NELL1: variants seen among roughly 807,000 people sequenced by gnomAD.
The protein encoded by NELL1 is neural EGFL like 1.
In NELL1, 76 loss-of-function variants were observed where a neutral mutation model predicts 107.4. That is an observed-to-expected ratio of 0.71 (90% CI 0.59 to 0.86). The LOEUF is 0.86. Ranked by LOEUF, NELL1 falls within the 40% of genes least tolerant of loss-of-function variation. The pLI, the probability that NELL1 is intolerant of heterozygous loss-of-function variation, is 0.00. For synonymous variants in NELL1, 353 were observed against 341.2 expected (o/e 1.03, Z -0.38); for missense variants, 1,024 against 1,005.5 (o/e 1.02, Z -0.25).
intron 14 of NELL1, among the ~76,000 whole-genome samples, chr11:21,293,894 A>G (rs898121769): frequency 2.6e-5 from 4 of 152,036 alleles, no homozygotes; most frequent in Non-Finnish European, 5.9e-5. Flanking sequence ...AACACATGGA[A>G]ACAGGGAGGG....
chr11:21,066,735 A>G (rs1033374112), intron 12 of NELL1, among the ~76,000 whole-genome samples: 6 of 152,058 alleles, frequency 3.9e-5, no homozygotes, highest in Non-Finnish European at 8.8e-5. Flanking sequence ...AGATCACTTG[A>G]GGTCACGAAT....
chr11:20,699,490 A>T (rs1182720002), intron 2 of NELL1, among the ~76,000 whole-genome samples: 4 of 151,980 alleles, frequency 2.6e-5, no homozygotes, highest in East Asian at 1.9e-4. Flanking sequence ...CCTCCCCAGC[A>T]GCTGGGACTA....
At chr11:21,388,040 G>A (rs912384446) in intron 15 of NELL1, among the ~76,000 whole-genome samples, 3 of 150,938 alleles carry the variant, frequency 2.0e-5, no homozygotes, top group Non-Finnish European at 3.0e-5. Flanking sequence ...CAAGGGGACA[G>A]CTGGAACTTA....
At chr11:21,354,711 A>T (rs1260466927) in intron 14 of NELL1, among the ~76,000 whole-genome samples, 1 of 152,022 alleles carries the variant, frequency 6.6e-6, no homozygotes, top group Non-Finnish European at 1.5e-5. Context: ...TCTCTTGAGA[A>T]CTCTGGTCCA....
At chr11:21,253,727 A>C (rs918242759) in intron 14 of NELL1, among the ~76,000 whole-genome samples, 2 of 152,154 alleles carry the variant, frequency 1.3e-5, no homozygotes, top group Non-Finnish European at 2.9e-5. Context: ...AATTCACTCT[A>C]TAATAGTCAG....
chr11:20,750,287 G>T (rs1856102915), intron 2 of NELL1, among the ~76,000 whole-genome samples: 1 of 151,990 alleles, frequency 6.6e-6, no homozygotes, highest in Non-Finnish European at 1.5e-5. Flanking sequence ...TTTAAAAAAT[G>T]GACTTGTAGG....
chr11:21,506,306 T>A (rs939236323), intron 15 of NELL1, among the ~76,000 whole-genome samples: 1 of 152,182 alleles, frequency 6.6e-6, no homozygotes, highest in African/African-American at 2.4e-5. Context: ...TTCAGCACAA[T>A]AATATCTCAG....
At chr11:21,281,157 G>T (rs780015018) in intron 14 of NELL1, among the ~76,000 whole-genome samples, 1 of 151,690 alleles carries the variant, frequency 6.6e-6, no homozygotes, top group Non-Finnish European at 1.5e-5. Context: ...GAGTCATAAG[G>T]CCCCCTTGCC....
rs2133839629 is a variant in NELL1, at chr11:20,669,627, A to G, written c.-97A>G. On this transcript the variant is annotated 5_prime_UTR_variant, in exon 1 of 20. Coordinates refer to ENST00000357134, the MANE Select transcript of NELL1 (RefSeq NM_006157.5). This position sits in a 1 kb window ranked among gnomAD's most constrained non-coding sequence, Gnocchi z 4.4. ...CCACCTCCCCCGCCGCCCGCTAGCA[A>G]GTTTGGCGGCTCCAAGCCAGGCGCG... The G allele has an allele frequency of 9.5e-7, 1 of 1,048,856 alleles. No individual in the cohort carries two copies. Among genetic ancestry groups the G allele is most frequent in the Admixed American group, 1.9e-5 (1 of 52,268 alleles). 65.0% of individuals were successfully genotyped at this position (1,048,856 alleles called of 1,614,324 possible). A position where few individuals can be genotyped will look rare whatever the true frequency, so the allele number is the denominator to read the frequency against.
At chr11:20,973,699 A>G (rs982236829) in intron 12 of NELL1, among the ~76,000 whole-genome samples, 1 of 152,218 alleles carries the variant, frequency 6.6e-6, no homozygotes, top group Non-Finnish European at 1.5e-5. Context: ...CAGCTTGCAC[A>G]TCTTTATAAG....
intron 15 of NELL1, among the ~76,000 whole-genome samples, chr11:21,393,490 T>C (rs946520662): frequency 6.6e-6 from 1 of 151,780 alleles, no homozygotes; most frequent in African/African-American, 2.4e-5. Flanking sequence ...ATGAGCAATT[T>C]ATTTAGATAA....
chr11:21,397,436 T>G (rs1050704108), intron 15 of NELL1, among the ~76,000 whole-genome samples: 13 of 151,646 alleles, frequency 8.6e-5, no homozygotes, highest in Non-Finnish European at 8.9e-5. Context: ...AATTACTCAG[T>G]CTTTATACTA....
intron 5 of NELL1, among the ~76,000 whole-genome samples, chr11:20,914,271 C>T (rs1427405356): frequency 6.6e-6 from 1 of 152,096 alleles, no homozygotes; most frequent in Non-Finnish European, 1.5e-5. Flanking sequence ...TCATGTATAC[C>T]TTGCTTTATA....
At chr11:20,956,601 A>G (rs1024543930) in intron 11 of NELL1, among the ~76,000 whole-genome samples, 25 of 150,676 alleles carry the variant, frequency 1.7e-4, no homozygotes, top group Non-Finnish European at 3.2e-4. Context: ...AGCTGAGATC[A>G]CGCCACTGCA....
At chr11:20,843,870 G>A (rs908461143) in intron 3 of NELL1, among the ~76,000 whole-genome samples, 2 of 152,006 alleles carry the variant, frequency 1.3e-5, no homozygotes, top group Non-Finnish European at 2.9e-5. Flanking sequence ...TGATAATACT[G>A]ATTGTACCTG....
chr11:20,764,998 A>T (rs1164081462), intron 2 of NELL1, among the ~76,000 whole-genome samples: 1 of 152,086 alleles, frequency 6.6e-6, no homozygotes, highest in East Asian at 1.9e-4. Context: ...GTCTCTACAA[A>T]ATTTAAAAAA....
intron 5 of NELL1, among the ~76,000 whole-genome samples, chr11:20,887,146 AGTT>A (rs1849525802): frequency 6.6e-6 from 1 of 152,270 alleles, no homozygotes; most frequent in South Asian, 2.1e-4. Context: ...AGATTCACCA[AGTT>A]GTTGTGTGTA....
intron 12 of NELL1, among the ~76,000 whole-genome samples, chr11:21,083,981 T>C (rs1199862187): frequency 6.6e-6 from 1 of 152,166 alleles, no homozygotes; most frequent in African/African-American, 2.4e-5. Flanking sequence ...AGAAATGACT[T>C]GGCAGGGACA....
At chr11:20,844,023 T>G (rs11025785) in intron 3 of NELL1, among the ~76,000 whole-genome samples, 26,876 of 152,144 alleles carry the variant, frequency 0.18, 2,708 homozygotes, top group African/African-American at 0.27. Context: ...CATTTTGTGT[T>G]CAAGGTCTTG....
Sources: gnomAD v4.1 joint callset for allele counts (sites outside exome capture counted in the v4.1 genomes callset) on GRCh38, gnomAD v4.1.1 for gene constraint, Gnocchi (gnomAD v3.1) non-coding constraint, MANE v1.5 for transcripts, NCBI Gene and HGNC (gene_info 2026-07-23, HGNC 2026-07-21) for gene names.